HS3ST1: variants seen among roughly 807,000 people sequenced by gnomAD.
HS3ST1 encodes the protein heparan sulfate glucosamine 3-O-sulfotransferase 1.
HS3ST1 carries 8 observed loss-of-function variants against 20.7 expected under a neutral mutation model. That is an observed-to-expected ratio of 0.39 (90% CI 0.23 to 0.70). HS3ST1 has a LOEUF of 0.70. HS3ST1 is among the 30% of genes least tolerant of loss of function. HS3ST1 has a pLI of 0.46. For missense variants in HS3ST1, 436 were observed against 423.4 expected, an observed-to-expected ratio of 1.03 and a Z score of -0.26; for synonymous variants, 205 against 190.4, an observed-to-expected ratio of 1.08 and a Z score of -0.63.
At position 11,393,494 on chromosome 4, in the gene HS3ST1, G is replaced by C. The variant is rs1426449043; in HGVS notation, c.*5588C>G. ...CAGAGAGAAGAAAACATGCATGCAA[G>C]GTTAAGACTTTAGAGTGGATGGTCT... On this transcript the variant is annotated 3_prime_UTR_variant, in exon 2 of 2. Transcript: ENST00000002596. 1 of 148,500 alleles carries C rather than the reference G, an allele frequency of 6.7e-6. No individual in the cohort carries two copies. The highest frequency in any genetic ancestry group is 2.6e-5 in the African/African-American group (1 of 37,934). The allele number at this position is 148,500 out of a possible 1,614,324, so 9.2% of individuals were successfully genotyped here.
At position 11,402,954 on chromosome 4, in the gene HS3ST1, C is replaced by T. The variant is rs188365669; in HGVS notation, c.-108-2841G>A. ...ATTGGGAAGTTAAGTAGCTTATAAG[C>T]TCCTTGTTTGTATTTTAATCCTTTC... On this transcript the variant is annotated intron_variant, in intron 1 of 1. Transcript: ENST00000002596. 4.6e-5 allele frequency among the ~76,000 whole-genome samples: 7 copies of T among 152,282 alleles called. No homozygotes were observed. In the East Asian group the frequency reaches 1.4e-3, roughly 29 times the overall value.
chr4:11,424,784 C>T (rs1471533776), intron 1 of HS3ST1, among the ~76,000 whole-genome samples: 1 of 151,804 alleles, frequency 6.6e-6, no homozygotes, highest in East Asian at 1.9e-4. Context: ...GATTCCAGGC[C>T]CCAGGTGGGA....
intron 1 of HS3ST1, among the ~76,000 whole-genome samples, chr4:11,416,667 A>G (rs1718790666): frequency 6.6e-6 from 1 of 152,194 alleles, no homozygotes; most frequent in South Asian, 2.1e-4. Context: ...GCCAGTCACC[A>G]GGCTGGTGGG....
chr4:11,429,141 A>C (rs1419490771), upstream of HS3ST1: 1 of 152,346 alleles, frequency 6.6e-6, no homozygotes, highest in Non-Finnish European at 1.5e-5. Flanking sequence ...ACGCAGCTCC[A>C]GCGGCTGGTC....
At chr4:11,402,841 G>T (rs1241183364) in intron 1 of HS3ST1, among the ~76,000 whole-genome samples, 1 of 152,200 alleles carries the variant, frequency 6.6e-6, no homozygotes, top group African/African-American at 2.4e-5. Context: ...TACATCTGAG[G>T]TTTCTTTCCT....
At chr4:11,418,505 C>T (rs921321694) in intron 1 of HS3ST1, among the ~76,000 whole-genome samples, 1 of 152,222 alleles carries the variant, frequency 6.6e-6, no homozygotes, top group African/African-American at 2.4e-5. Context: ...AAATACTACA[C>T]TCCCTTTTGG....
At chr4:11,402,837 T>A (rs193141836) in intron 1 of HS3ST1, among the ~76,000 whole-genome samples, 1 of 152,366 alleles carries the variant, frequency 6.6e-6, no homozygotes, top group East Asian at 1.9e-4. Flanking sequence ...AGTGTACATC[T>A]GAGGTTTCTT....
chr4:11,407,994 T>C (rs1034731881), intron 1 of HS3ST1, among the ~76,000 whole-genome samples: 3 of 152,232 alleles, frequency 2.0e-5, no homozygotes, highest in Non-Finnish European at 2.9e-5. Context: ...GTTTGTTTCC[T>C]ACTGTTGTTG....
chr4:11,431,841 A>G (rs1005061769), upstream of HS3ST1, among the ~76,000 whole-genome samples: 5 of 152,182 alleles, frequency 3.3e-5, no homozygotes, highest in African/African-American at 7.2e-5. Context: ...TCATTTTACA[A>G]ATGGGGAAAC....
At chr4:11,417,386 G>A (rs977964740) in intron 1 of HS3ST1, among the ~76,000 whole-genome samples, 3 of 152,122 alleles carry the variant, frequency 2.0e-5, no homozygotes, top group Non-Finnish European at 4.4e-5. Flanking sequence ...GGTGGGGGCG[G>A]CTCTAGACAA....
At chr4:11,411,604 C>A (rs1421289485) in intron 1 of HS3ST1, among the ~76,000 whole-genome samples, 2 of 152,190 alleles carry the variant, frequency 1.3e-5, no homozygotes, top group Non-Finnish European at 2.9e-5. Flanking sequence ...GCACACCACA[C>A]AGCCCCCTCT....
rs893046898 is a variant in HS3ST1 at position 11,396,590 on chromosome 4, T to C, written c.*2492A>G. Reference sequence around the variant, plus strand: ...CCCAGGGTCTACTACAGGGCCTCCTTTGAATTTGACAGTGCTTGGTGAGAT... The same window carrying C: ...CCCAGGGTCTACTACAGGGCCTCCTCTGAATTTGACAGTGCTTGGTGAGAT... On this transcript the variant is annotated 3_prime_UTR_variant, in exon 2 of 2. Coordinates refer to ENST00000002596, the MANE Select transcript of HS3ST1 (RefSeq NM_005114.4). 6.6e-6 allele frequency: 1 copy of C among 152,272 alleles called. No individual in the cohort carries two copies. The highest frequency in any genetic ancestry group is 1.5e-5 in the Non-Finnish European group (1 of 68,096). 9.4% of individuals were successfully genotyped at this position (152,272 alleles called of 1,614,324 possible).
intron 1 of HS3ST1, among the ~76,000 whole-genome samples, chr4:11,419,518 T>C (rs775074065): frequency 2.0e-5 from 3 of 152,120 alleles, no homozygotes; most frequent in Admixed American, 6.5e-5. Context: ...GACAAATAGC[T>C]GATGCATGCG....
rs1340140139 is a variant in HS3ST1, at chr4:11,394,670, A to G, written c.*4412T>C. The G allele has an allele frequency of 6.6e-6, 1 of 152,226 alleles. No individual in the cohort carries two copies. The highest frequency in any genetic ancestry group is 1.5e-5 in the Non-Finnish European group (1 of 68,044). 9.4% of individuals were successfully genotyped at this position (152,226 alleles called of 1,614,324 possible). ...CTTACAGGCTCTGCCTAATAGACAGATGCATATGCTTTATATCTTCCTCCA... is the reference window on the plus strand; with the variant it reads ...CTTACAGGCTCTGCCTAATAGACAGGTGCATATGCTTTATATCTTCCTCCA... On this transcript the variant is annotated 3_prime_UTR_variant, in exon 2 of 2. Transcript: ENST00000002596.
At chr4:11,415,620 T>C (rs1292234314) in intron 1 of HS3ST1, among the ~76,000 whole-genome samples, 1 of 152,152 alleles carries the variant, frequency 6.6e-6, no homozygotes, top group Non-Finnish European at 1.5e-5. Context: ...AGAAACATTC[T>C]CCAGTGAAAG....
At position 11,395,218 on chromosome 4, in the gene HS3ST1, G is replaced by A. The variant is rs185875800; in HGVS notation, c.*3864C>T. On this transcript the variant is annotated 3_prime_UTR_variant, in exon 2 of 2. Coordinates refer to ENST00000002596, the MANE Select transcript of HS3ST1 (RefSeq NM_005114.4). ...CTCCATGAAGCCTTCCCACAGGAAG[G>A]TCAGGGTCTCTGTGGCCCACAAGTT... 2 of 152,052 alleles carry A rather than the reference G, an allele frequency of 1.3e-5. No individual in the cohort carries two copies. Among genetic ancestry groups the A allele is most frequent in the Non-Finnish European group, 2.9e-5 (2 of 68,006 alleles). 9.4% of individuals were successfully genotyped at this position (152,052 alleles called of 1,614,324 possible).
rs368275390 is a variant in HS3ST1, at chr4:11,399,174, C to T, written c.832G>A (p.Asp278Asn). The stretch of plus-strand genomic sequence containing the variant: ...TGCAGTTTATTGAGTAGTTTGGGAT[C>T]GACTTGGGGGTGCGCCCGGCCTTTG... The part of the protein sequence containing the change: ...ESKGRAHPQV[D>N]PKLLNKLHEY... Residue 278 changes from aspartate to asparagine, a missense_variant, in exon 2 of 2, where the codon GAT becomes AAT. Transcript: ENST00000002596. This position sits in a 1 kb window ranked among gnomAD's most constrained non-coding sequence, Gnocchi z 5.1. The T allele has an allele frequency of 9.3e-6, 15 of 1,614,022 alleles. No homozygotes were observed. The highest frequency in any genetic ancestry group is 1.3e-5 in the African/African-American group (1 of 74,910).
At chr4:11,413,885 A>C (rs1428568026) in intron 1 of HS3ST1, among the ~76,000 whole-genome samples, 1 of 151,532 alleles carries the variant, frequency 6.6e-6, no homozygotes, top group East Asian at 1.9e-4. Context: ...TTTGTGTTTC[A>C]AAATTGAAAA....
chr4:11,419,458 A>G (rs879783669), intron 1 of HS3ST1, among the ~76,000 whole-genome samples: 2 of 152,112 alleles, frequency 1.3e-5, no homozygotes, highest in Non-Finnish European at 2.9e-5. Context: ...GAGGGGAACA[A>G]CACACACCGG....
Sources: gnomAD v4.1 joint callset for allele counts (sites outside exome capture counted in the v4.1 genomes callset) on GRCh38, gnomAD v4.1.1 for gene constraint, Gnocchi (gnomAD v3.1) non-coding constraint, MANE v1.5 for transcripts, NCBI Gene and HGNC (gene_info 2026-07-23, HGNC 2026-07-21) for gene names.